The following AGBL3 variants were observed in gnomAD, a reference collection of about 807,000 sequenced individuals.
AGBL3 encodes AGBL carboxypeptidase 3.
A neutral mutation model predicts 94.5 loss-of-function variants in AGBL3; 68 were observed. The ratio of observed to expected loss-of-function variants is 0.72; its 90% CI spans 0.59 to 0.88. The LOEUF (loss-of-function observed/expected upper bound fraction) is 0.88, where lower values mean the gene tolerates loss of function less well. AGBL3 is among the 40% of genes least tolerant of loss of function. The probability of loss-of-function intolerance (pLI) is 0.00; values close to 1 mark genes in which losing one functional copy is unlikely to be tolerated. For synonymous variants in AGBL3, 354 were observed against 370.7 expected (o/e 0.95, Z 0.52); for missense variants, 934 against 1,103.8 (o/e 0.85, Z 2.18).
At chr7:135,001,540 C>T (rs946491187) in intron 4 of AGBL3, among the ~76,000 whole-genome samples, 3 of 152,142 alleles carry the variant, frequency 2.0e-5, no homozygotes, top group Admixed American at 6.5e-5. Context: ...TCTTCAAAGT[C>T]GGGGTATGCC....
intron 12 of AGBL3, among the ~76,000 whole-genome samples, chr7:135,069,481 C>T (rs1027867888): frequency 6.6e-6 from 1 of 152,132 alleles, no homozygotes; most frequent in Non-Finnish European, 1.5e-5. Context: ...GGAAGTAAAG[C>T]ACTCCTCAGC....
intron 5 of AGBL3, among the ~76,000 whole-genome samples, chr7:135,031,253 TTTTATTTA>T (rs759016113): frequency 6.6e-6 from 1 of 152,064 alleles, no homozygotes; most frequent in South Asian, 2.1e-4. Flanking sequence ...TATTATATTC[TTTTATTTA>T]TTTATTTATT....
At chr7:135,119,504 A>G (rs190334166) in intron 16 of AGBL3, among the ~76,000 whole-genome samples, 21 of 149,574 alleles carry the variant, frequency 1.4e-4, no homozygotes, top group Non-Finnish European at 2.4e-4. Context: ...TGCTGGGATT[A>G]CAGGCATGAG....
chr7:135,034,898 C>T lies in AGBL3; in HGVS notation c.1307C>T (p.Ser436Phe). Residue 436 changes from serine (S) to phenylalanine (F), a missense_variant, in exon 7 of 17, where the codon TCT becomes TTT. Transcript: ENST00000436302. ...TCTCTCCTGAAGGAATCTTTTCCTTCTGTATGGTATACCCGGAACATGGTT... is the reference window on the plus strand; with the variant it reads ...TCTCTCCTGAAGGAATCTTTTCCTTTTGTATGGTATACCCGGAACATGGTT... ...YTSLLKESFP[S>F]VWYTRNMVHR... 6.5e-7 allele frequency: 1 copy of T among 1,542,622 alleles called. No individual in the cohort carries two copies. The highest frequency in any genetic ancestry group is 8.7e-7 in the Non-Finnish European group (1 of 1,143,126).
intron 15 of AGBL3, among the ~76,000 whole-genome samples, chr7:135,109,425 T>G (rs1366779482): frequency 1.3e-5 from 2 of 150,808 alleles, no homozygotes; most frequent in Non-Finnish European, 3.0e-5. Flanking sequence ...AGACTCAGAC[T>G]GGGAGGACAT....
chr7:135,044,159 C>T lies in AGBL3; in HGVS notation c.1627+8C>T. 3.2e-6 allele frequency: 5 copies of T among 1,543,548 alleles called. No homozygotes were observed. The Admixed American group carries it at 8.0e-5, about 25-fold the overall frequency. On this transcript the variant is annotated splice_region_variant and intron_variant, in intron 9 of 16. Transcript: ENST00000436302. ...TCTGTGGATCTACTCTGGGTAAGAC[C>T]AAGGGTTCTCATTCACAGCTCTCAA...
intron 6 of AGBL3, 85 bp downstream of exon 6, chr7:135,033,067 T>C: frequency 4.6e-6 from 6 of 1,304,092 alleles, no homozygotes; most frequent in Non-Finnish European, 6.1e-6. Context: ...TTAGTATCCA[T>C]TATGAAACTG....
chr7:135,133,100 A>G, intron 16 of AGBL3, among the ~76,000 whole-genome samples: 1 of 146,420 alleles, frequency 6.8e-6, no homozygotes. Context: ...CACACACACA[A>G]CCTTTAGAAT....
intron 5 of AGBL3, among the ~76,000 whole-genome samples, chr7:135,031,025 T>C (rs925326102): frequency 2.0e-5 from 3 of 152,050 alleles, no homozygotes; most frequent in Admixed American, 2.0e-4. Flanking sequence ...TTTTTGTTTT[T>C]TGAGATTTCT....
chr7:135,112,379 A>G (rs538387659), intron 15 of AGBL3, among the ~76,000 whole-genome samples: 6 of 152,308 alleles, frequency 3.9e-5, no homozygotes, highest in Admixed American at 3.9e-4. Context: ...AATTATTCCC[A>G]TCTCAGAGGA....
chr7:134,990,225 C>G (rs1810057693), intron 3 of AGBL3, among the ~76,000 whole-genome samples: 1 of 152,132 alleles, frequency 6.6e-6, no homozygotes, highest in African/African-American at 2.4e-5. Context: ...TTTAATCACC[C>G]CTAAGTGTTC....
chr7:135,097,201 C>A (rs942611732), intron 15 of AGBL3, among the ~76,000 whole-genome samples: 1 of 152,096 alleles, frequency 6.6e-6, no homozygotes, highest in African/African-American at 2.4e-5. Context: ...ACTAAAATAT[C>A]CCGTCGGTCA....
At chr7:135,131,825 G>T (rs1828819922) in intron 16 of AGBL3, among the ~76,000 whole-genome samples, 1 of 151,842 alleles carries the variant, frequency 6.6e-6, no homozygotes, top group Non-Finnish European at 1.5e-5. Context: ...AAGAAAAAAA[G>T]ACATAAATTA....
At chr7:135,056,487 T>A (rs1042165957) in intron 11 of AGBL3, among the ~76,000 whole-genome samples, 5 of 152,090 alleles carry the variant, frequency 3.3e-5, no homozygotes, top group Non-Finnish European at 7.4e-5. Flanking sequence ...ACACTGGACA[T>A]GGTTATCTAT....
chr7:134,987,801 A>G, intron 1 of AGBL3, 74 bp from the exon 2 acceptor site: 3 of 642,210 alleles, frequency 4.7e-6, no homozygotes, highest in South Asian at 3.8e-5. Context: ...ACAATTGAAT[A>G]TATTTTTGAG....
At chr7:135,086,714 T>A (rs1298532628) in intron 15 of AGBL3, among the ~76,000 whole-genome samples, 1 of 152,008 alleles carries the variant, frequency 6.6e-6, no homozygotes, top group East Asian at 1.9e-4. Flanking sequence ...TTTTTTTCAA[T>A]GTGCTGCTGG....
At chr7:135,020,771 A>C (rs981397296) in intron 5 of AGBL3, among the ~76,000 whole-genome samples, 2 of 152,104 alleles carry the variant, frequency 1.3e-5, no homozygotes, top group East Asian at 3.9e-4. Context: ...GACATGGATT[A>C]AGCTGGAAAC....
intron 5 of AGBL3, among the ~76,000 whole-genome samples, chr7:135,021,266 G>A (rs1022799806): frequency 6.6e-6 from 1 of 151,328 alleles, no homozygotes; most frequent in African/African-American, 2.4e-5. Context: ...CATTTGTATA[G>A]TGCATATATA....
intron 7 of AGBL3, among the ~76,000 whole-genome samples, chr7:135,036,656 G>T (rs1409956967): frequency 6.6e-6 from 1 of 152,160 alleles, no homozygotes; most frequent in Admixed American, 6.5e-5. Context: ...ATCTTTAAGT[G>T]CTACCGAAGC....
Sources: allele counts gnomAD v4.1 joint callset (sites outside exome capture counted in the v4.1 genomes callset), GRCh38; gene constraint gnomAD v4.1.1; transcripts MANE v1.5; gene names NCBI Gene and HGNC (gene_info 2026-07-23, HGNC 2026-07-21).